The following RBFOX1 variants were observed in gnomAD, a reference collection of about 807,000 sequenced individuals.
The protein encoded by RBFOX1 is RNA binding protein fox-1 homolog 1.
In RBFOX1, 8 loss-of-function variants were observed where a neutral mutation model predicts 57.7. That is an observed-to-expected ratio of 0.14 (90% CI 0.08 to 0.25). The LOEUF is 0.25. Among genes scored for constraint, RBFOX1 ranks in the 10% least tolerant of loss-of-function variants. RBFOX1 has a pLI of 1.00. For missense variants in RBFOX1, 611 were observed against 548.5 expected (o/e 1.11, Z -1.14); for synonymous variants, 326 against 222.4 (o/e 1.47, Z -4.15).
chr16:6,600,474 C>T (rs2097840196), intron 2 of RBFOX1, among the ~76,000 whole-genome samples: 1 of 152,162 alleles, frequency 6.6e-6, no homozygotes, highest in African/African-American at 2.4e-5. Context: ...CTGAAAAGAA[C>T]CAGATAGCAG....
intron 2 of RBFOX1, among the ~76,000 whole-genome samples, chr16:6,446,750 A>G (rs1215427778): frequency 1.3e-5 from 2 of 152,186 alleles, no homozygotes; most frequent in Admixed American, 6.5e-5. Flanking sequence ...ATTCTAAATC[A>G]TTTTATTTAT....
rs560601444 is a variant in RBFOX1 at position 6,100,463 on chromosome 16, G to T, written c.-127+80471G>T. Among the ~76,000 whole-genome samples the T allele has an allele frequency of 3.9e-5, 6 of 152,290 alleles. No individual in the cohort carries two copies. In the East Asian group the frequency reaches 1.2e-3, roughly 29 times the overall value. ...AGGCATGAGCCACCGCGCCCGGCCG[G>T]CTTATTGCTTTATTCTAATGTGATG... On this transcript the variant is annotated intron_variant, in intron 1 of 15. Coordinates refer to ENST00000550418, the MANE Select transcript of RBFOX1 (RefSeq NM_018723.4).
At chr16:6,780,410 T>TTATATTTA (rs2080721133) in intron 3 of RBFOX1, among the ~76,000 whole-genome samples, 1 of 79,224 alleles carries the variant, frequency 1.3e-5, no homozygotes, top group Non-Finnish European at 2.0e-5. Flanking sequence ...TTATATATAT[T>TTATATTTA]TATATATATT....
rs565784125 is a variant in RBFOX1, at chr16:5,249,363, C to T, written c.219+9258C>T. Among the ~76,000 whole-genome samples, 14 of 152,162 alleles carry T rather than the reference C, an allele frequency of 9.2e-5. No homozygotes were observed. The South Asian group carries it at 1.2e-3, about 14-fold the overall frequency. ...GACCGTCCTCCTGGAGGGGCCTGGC[C>T]GGGGCTTGTGTCCTTGCTAGTCTCT... is the stretch of plus-strand genomic sequence containing the variant. On this transcript the variant is annotated intron_variant, in intron 1 of 2. Coordinates refer to the RBFOX1 transcript ENST00000585867.
At chr16:6,750,914 G>A (rs1458736401) in intron 3 of RBFOX1, among the ~76,000 whole-genome samples, 1 of 152,150 alleles carries the variant, frequency 6.6e-6, no homozygotes, top group Non-Finnish European at 1.5e-5. Context: ...CAGATTAGTG[G>A]GCTAGGGAAG....
intron 4 of RBFOX1, among the ~76,000 whole-genome samples, chr16:7,100,694 TA>T (rs1404084298): frequency 1.3e-5 from 2 of 151,714 alleles, no homozygotes; most frequent in East Asian, 3.9e-4. Flanking sequence ...ATAACAACTT[TA>T]AAAATGTACA....
At chr16:7,648,415 G>A (rs190947248) in intron 11 of RBFOX1, among the ~76,000 whole-genome samples, 2 of 151,986 alleles carry the variant, frequency 1.3e-5, no homozygotes, top group African/African-American at 2.4e-5. Context: ...AGTAGAGACG[G>A]GGTTACATCA....
At chr16:7,004,313 A>C (rs1175248215) in intron 3 of RBFOX1, among the ~76,000 whole-genome samples, 1 of 152,122 alleles carries the variant, frequency 6.6e-6, no homozygotes, top group East Asian at 1.9e-4. Flanking sequence ...CGGATACCTA[A>C]GGTTATATTT....
intron 4 of RBFOX1, among the ~76,000 whole-genome samples, chr16:7,153,822 A>G (rs981172196): frequency 6.6e-6 from 1 of 152,084 alleles, no homozygotes; most frequent in South Asian, 2.1e-4. Flanking sequence ...AAGTACCATG[A>G]GGAAGATGCC....
At chr16:6,445,292 G>A (rs1156988661) in intron 2 of RBFOX1, among the ~76,000 whole-genome samples, 1 of 152,016 alleles carries the variant, frequency 6.6e-6, no homozygotes, top group East Asian at 1.9e-4. Flanking sequence ...TCAACGTGCA[G>A]GTTTGTTACA....
chr16:7,620,076 C>A (rs1024985109), intron 10 of RBFOX1, among the ~76,000 whole-genome samples: 1 of 152,150 alleles, frequency 6.6e-6, no homozygotes, highest in Non-Finnish European at 1.5e-5. Flanking sequence ...TGTTTAGTGG[C>A]CAAACACAAT....
chr16:7,094,769 T>TGTGTGTGTGTGG lies in RBFOX1; in HGVS notation c.27+42678_27+42679insTGTGGGTGTGTG, dbSNP rs989908595. ...CTGTGTGTGTGTGTGTGTGTGTGTG[T>TGTGTGTGTGTGG]GTGTGTGGGTGTGTGTGTGTGTTGA... On this transcript the variant is annotated intron_variant, in intron 4 of 15. Transcript: ENST00000550418. Among the ~76,000 whole-genome samples, 236 of 138,986 alleles carry TGTGTGTGTGTGG rather than the reference T, an allele frequency of 1.7e-3. 1 individual carries two copies. The highest frequency in any genetic ancestry group is 5.3e-3 in the African/African-American group (208 of 39,118). 91.2% of individuals were successfully genotyped at this position (138,986 alleles called of 152,430 possible). A position where few individuals can be genotyped will look rare whatever the true frequency, so the allele number is the denominator to read the frequency against.
intron 3 of RBFOX1, among the ~76,000 whole-genome samples, chr16:6,833,558 C>A (rs1037540050): frequency 6.6e-6 from 1 of 152,172 alleles, no homozygotes; most frequent in Non-Finnish European, 1.5e-5. Flanking sequence ...CTCTGACAGT[C>A]TGACCGATCA....
At chr16:7,709,185 C>T in intron 15 of RBFOX1, 54 bp downstream of exon 15, 4 of 1,495,606 alleles carry the variant, frequency 2.7e-6, no homozygotes, top group Admixed American at 1.7e-5. Context: ...TTCCCTTTCC[C>T]CAGCTGGGAC....
chr16:7,017,244 C>T (rs2093961842), intron 3 of RBFOX1, among the ~76,000 whole-genome samples: 1 of 152,156 alleles, frequency 6.6e-6, no homozygotes, highest in Non-Finnish European at 1.5e-5. Context: ...ACAAAATGTG[C>T]AGCCTCGGCT....
intron 4 of RBFOX1, among the ~76,000 whole-genome samples, chr16:7,413,617 T>C (rs1188724532): frequency 1.3e-5 from 2 of 152,082 alleles, no homozygotes; most frequent in East Asian, 1.9e-4. Flanking sequence ...CCCCTTTGCT[T>C]GTCCTCTTGC....
At chr16:5,301,097 A>T (rs552276334) in intron 1 of RBFOX1, among the ~76,000 whole-genome samples, 2 of 152,346 alleles carry the variant, frequency 1.3e-5, no homozygotes, top group South Asian at 4.1e-4. Flanking sequence ...TAATGAATAG[A>T]ACATGGAGAA....
At chr16:7,457,136 C>G (rs1233115169) in intron 4 of RBFOX1, among the ~76,000 whole-genome samples, 1 of 152,072 alleles carries the variant, frequency 6.6e-6, no homozygotes, top group Non-Finnish European at 1.5e-5. Context: ...ATCCGCCTGC[C>G]TCAGCCTCCC....
intron 4 of RBFOX1, among the ~76,000 whole-genome samples, chr16:7,180,600 G>C (rs2082503920): frequency 1.3e-5 from 2 of 151,876 alleles, no homozygotes; most frequent in African/African-American, 4.8e-5. Flanking sequence ...TCCCTTTTCT[G>C]TAAAAGGTGA....
Sources: allele counts gnomAD v4.1 joint callset (sites outside exome capture counted in the v4.1 genomes callset), GRCh38; gene constraint gnomAD v4.1.1; transcripts MANE v1.5; gene names NCBI Gene and HGNC (gene_info 2026-07-23, HGNC 2026-07-21).